GRIA1: variants seen among roughly 807,000 people sequenced by gnomAD.
GRIA1 encodes glutamate receptor 1.
GRIA1 carries 31 observed loss-of-function variants against 99.2 expected under a neutral mutation model. The ratio of observed to expected loss-of-function variants is 0.31; its 90% CI spans 0.23 to 0.42. The LOEUF (loss-of-function observed/expected upper bound fraction) is 0.42. GRIA1 is among the 10% of genes least tolerant of loss of function. The pLI is 1.00. For synonymous variants in GRIA1, 438 were observed against 432.4 expected (o/e 1.01, Z -0.16); for missense variants, 782 against 1,157.5 (o/e 0.68, Z 4.71).
At chr5:153,499,591 G>C (rs1450783944) in intron 2 of GRIA1, among the ~76,000 whole-genome samples, 1 of 118,392 alleles carries the variant, frequency 8.4e-6, no homozygotes. Flanking sequence ...CTCCAGCCTG[G>C]CAACAGAGCG....
chr5:153,727,605 G>C (rs1284228629), intron 11 of GRIA1, among the ~76,000 whole-genome samples: 2 of 152,066 alleles, frequency 1.3e-5, no homozygotes, highest in African/African-American at 2.4e-5. Context: ...GGCAAACAGA[G>C]AGCCAAATCA....
chr5:153,716,751 C>T (rs1468401088), intron 11 of GRIA1, among the ~76,000 whole-genome samples: 1 of 152,080 alleles, frequency 6.6e-6, no homozygotes, highest in Non-Finnish European at 1.5e-5. Flanking sequence ...AACTGTAGCA[C>T]TTTAAGTAGG....
intron 11 of GRIA1, among the ~76,000 whole-genome samples, chr5:153,736,228 C>T (rs1761369158): frequency 6.6e-6 from 1 of 152,176 alleles, no homozygotes; most frequent in Non-Finnish European, 1.5e-5. Flanking sequence ...AGGAGTGTAT[C>T]AAAAACGATG....
chr5:153,509,119 C>G (rs890927233), intron 2 of GRIA1, among the ~76,000 whole-genome samples: 8 of 152,158 alleles, frequency 5.3e-5, no homozygotes, highest in African/African-American at 1.9e-4. Context: ...AAAGGAATTA[C>G]AAAGTCATAT....
intron 2 of GRIA1, among the ~76,000 whole-genome samples, chr5:153,617,509 C>T (rs988563613): frequency 1.3e-5 from 2 of 152,128 alleles, no homozygotes; most frequent in Non-Finnish European, 2.9e-5. Context: ...CCTATGTAGT[C>T]CTTTGCTAGG....
At chr5:153,636,673 A>G (rs888135619) in intron 2 of GRIA1, among the ~76,000 whole-genome samples, 2 of 152,250 alleles carry the variant, frequency 1.3e-5, no homozygotes, top group African/African-American at 4.8e-5. Context: ...TCTTCTACTT[A>G]ATGGCTATAT....
chr5:153,763,944 C>G (rs1207471373), intron 11 of GRIA1, among the ~76,000 whole-genome samples: 1 of 152,170 alleles, frequency 6.6e-6, no homozygotes, highest in Non-Finnish European at 1.5e-5. Context: ...TCCTTCTAGT[C>G]CACTATTTTG....
chr5:153,555,370 C>T (rs1419119118), intron 2 of GRIA1, among the ~76,000 whole-genome samples: 2 of 151,500 alleles, frequency 1.3e-5, no homozygotes, highest in Non-Finnish European at 2.9e-5. Context: ...TTCCTACCAA[C>T]GAAGAGAAAT....
chr5:153,565,903 T>G (rs1383809265), intron 2 of GRIA1, among the ~76,000 whole-genome samples: 2 of 152,324 alleles, frequency 1.3e-5, no homozygotes, highest in African/African-American at 4.8e-5. Context: ...GTTTTTACTT[T>G]TTGACTACTA....
intron 11 of GRIA1, among the ~76,000 whole-genome samples, chr5:153,722,623 G>A (rs1581536842): frequency 6.6e-6 from 1 of 152,164 alleles, no homozygotes; most frequent in Non-Finnish European, 1.5e-5. Context: ...AATACATGCA[G>A]GTCTGTGTCT....
At chr5:153,691,230 A>G (rs1231259796) in intron 8 of GRIA1, among the ~76,000 whole-genome samples, 4 of 152,170 alleles carry the variant, frequency 2.6e-5, no homozygotes, top group Non-Finnish European at 4.4e-5. Flanking sequence ...CCACTTCACT[A>G]TGGGGTACTG....
At chr5:153,747,594 T>A (rs903452467) in intron 11 of GRIA1, among the ~76,000 whole-genome samples, 3 of 152,210 alleles carry the variant, frequency 2.0e-5, no homozygotes, top group African/African-American at 7.2e-5. Context: ...GGTGAATATG[T>A]TTGGGGCAAA....
intron 11 of GRIA1, among the ~76,000 whole-genome samples, chr5:153,722,494 G>C (rs1203784930): frequency 6.6e-6 from 1 of 152,174 alleles, no homozygotes; most frequent in Non-Finnish European, 1.5e-5. Context: ...GTGTGAGAGA[G>C]AGGGTCAAGA....
At chr5:153,520,289 A>C (rs1757019327) in intron 2 of GRIA1, among the ~76,000 whole-genome samples, 1 of 152,186 alleles carries the variant, frequency 6.6e-6, no homozygotes, top group African/African-American at 2.4e-5. Flanking sequence ...AAGGGCACAG[A>C]GGTGAATGTG....
chr5:153,743,218 A>C (rs980000376), intron 11 of GRIA1, among the ~76,000 whole-genome samples: 2 of 152,218 alleles, frequency 1.3e-5, no homozygotes, highest in African/African-American at 4.8e-5. Context: ...AAAATGGCTT[A>C]AGGGAGTATT....
intron 2 of GRIA1, among the ~76,000 whole-genome samples, chr5:153,522,630 G>A (rs1360380237): frequency 2.6e-5 from 4 of 152,166 alleles, no homozygotes; most frequent in African/African-American, 9.6e-5. Context: ...CAAGCTGAAA[G>A]AGGGACCATC....
At chr5:153,576,926 T>TTGGATGGATGGATGGA (rs574916178) in intron 2 of GRIA1, among the ~76,000 whole-genome samples, 1 of 129,458 alleles carries the variant, frequency 7.7e-6, no homozygotes, top group Admixed American at 8.0e-5. Context: ...TCAATAAATA[T>TTGGATGGATGGATGGA]TGGATGGATG....
chr5:153,630,127 C>A (rs11748119), intron 2 of GRIA1, among the ~76,000 whole-genome samples: 3,199 of 152,206 alleles, frequency 0.021, 58 homozygotes, highest in Non-Finnish European at 0.029. Context: ...ATAAAGTACA[C>A]CCTCTTAAGC....
chr5:153,494,159 C>T, intron 2 of GRIA1, 94 bp downstream of exon 2: 1 of 1,334,962 alleles, frequency 7.5e-7, no homozygotes, highest in Non-Finnish European at 1.0e-6. Context: ...AAAATGACTT[C>T]AGTTGCCATT....
Sources: gnomAD v4.1 joint callset for allele counts (sites outside exome capture counted in the v4.1 genomes callset) on GRCh38, gnomAD v4.1.1 for gene constraint, MANE v1.5 for transcripts, NCBI Gene and HGNC (gene_info 2026-07-23, HGNC 2026-07-21) for gene names.